LRP1B: variants seen among roughly 807,000 people sequenced by gnomAD.
The protein encoded by LRP1B is LDL receptor related protein 1B, also known as low-density lipoprotein receptor-related protein 1B.
A neutral mutation model predicts 556.6 loss-of-function variants in LRP1B; 217 were observed. The ratio of observed to expected loss-of-function variants is 0.39; its 90% CI spans 0.35 to 0.44. The LOEUF is 0.44. LRP1B is among the 20% of genes least tolerant of loss of function. LRP1B has a pLI of 1.00. For synonymous variants in LRP1B, 2,047 were observed against 1,865.8 expected, an observed-to-expected ratio of 1.10 and a Z score of -2.50; for missense variants, 5,053 against 5,620.8, an observed-to-expected ratio of 0.90 and a Z score of 3.23.
At chr2:140,774,659 G>A (rs1232682019) in intron 33 of LRP1B, among the ~76,000 whole-genome samples, 2 of 152,014 alleles carry the variant, frequency 1.3e-5, no homozygotes, top group East Asian at 1.9e-4. Context: ...ATAGTACTGT[G>A]AGTTTTTACA....
chr2:140,660,459 T>C (rs1685051477), intron 41 of LRP1B, among the ~76,000 whole-genome samples: 1 of 152,164 alleles, frequency 6.6e-6, no homozygotes, highest in Admixed American at 6.6e-5. Flanking sequence ...TCTTTATAAA[T>C]GCTGTATAAG....
intron 12 of LRP1B, among the ~76,000 whole-genome samples, chr2:141,016,151 C>T (rs1309438315): frequency 6.6e-6 from 1 of 152,058 alleles, no homozygotes; most frequent in African/African-American, 2.4e-5. Context: ...CCACCACTAT[C>T]GCACTTACTG....
chr2:140,578,908 T>C (rs946370644), intron 43 of LRP1B, among the ~76,000 whole-genome samples: 2 of 152,196 alleles, frequency 1.3e-5, no homozygotes, highest in African/African-American at 4.8e-5. Context: ...TTTTGTCATT[T>C]TGTTTACTCA....
intron 7 of LRP1B, among the ~76,000 whole-genome samples, chr2:141,116,337 A>G (rs1396859208): frequency 2.0e-5 from 3 of 152,224 alleles, no homozygotes; most frequent in African/African-American, 7.2e-5. Flanking sequence ...ACAAAGAAGT[A>G]AAGCAAATAC....
At chr2:141,157,161 A>C (rs897327633) in intron 7 of LRP1B, among the ~76,000 whole-genome samples, 1 of 152,164 alleles carries the variant, frequency 6.6e-6, no homozygotes, top group African/African-American at 2.4e-5. Context: ...GTGTAACAGG[A>C]TATCAATTTT....
intron 20 of LRP1B, among the ~76,000 whole-genome samples, chr2:140,947,707 G>A (rs1475842758): frequency 1.3e-5 from 2 of 152,062 alleles, no homozygotes; most frequent in East Asian, 1.9e-4. Context: ...TTTTACCAAA[G>A]TCATCCTGGA....
chr2:140,697,606 T>C (rs1295362829), intron 41 of LRP1B, among the ~76,000 whole-genome samples: 1 of 152,032 alleles, frequency 6.6e-6, no homozygotes, highest in Non-Finnish European at 1.5e-5. Flanking sequence ...TATTCAGCCA[T>C]AAAAAGAATG....
At chr2:140,536,490 C>T (rs1690978802) in intron 46 of LRP1B, 91 bp downstream of exon 46, 2 of 1,200,530 alleles carry the variant, frequency 1.7e-6, no homozygotes, top group Middle Eastern at 2.0e-4. Context: ...AATAAATTAT[C>T]CACGTAAACC....
intron 20 of LRP1B, among the ~76,000 whole-genome samples, chr2:140,946,992 G>T (rs1695567463): frequency 6.6e-6 from 1 of 152,166 alleles, no homozygotes; most frequent in Non-Finnish European, 1.5e-5. Flanking sequence ...TGAACATAAA[G>T]ATGGGAACAA....
At chr2:140,734,542 A>G (rs980666716) in intron 35 of LRP1B, among the ~76,000 whole-genome samples, 2 of 152,216 alleles carry the variant, frequency 1.3e-5, no homozygotes, top group Admixed American at 6.5e-5. Context: ...AGTCACAGCT[A>G]CAATGATCAA....
intron 1 of LRP1B, among the ~76,000 whole-genome samples, chr2:142,014,547 A>G (rs1703060224): frequency 1.3e-5 from 2 of 152,224 alleles, no homozygotes; most frequent in Admixed American, 1.3e-4. Context: ...TGTCAGAAAC[A>G]GTAAATGCCC....
At chr2:140,590,124 CT>C (rs1308050852) in intron 43 of LRP1B, among the ~76,000 whole-genome samples, 1 of 151,660 alleles carries the variant, frequency 6.6e-6, no homozygotes, top group East Asian at 1.9e-4. Context: ...ATATGTCGTC[CT>C]TCACTCATTA....
Position 141,976,676 on chromosome 2 carries a change from C to T in LRP1B, c.82+153972G>A, listed in dbSNP as rs568457578. 7.2e-5 allele frequency among the ~76,000 whole-genome samples: 11 copies of T among 152,230 alleles called. No homozygotes were observed. In the South Asian group the frequency reaches 1.7e-3, roughly 23 times the overall value. On this transcript the variant is annotated intron_variant, in intron 1 of 90. Transcript: ENST00000389484. ...CTACCTCCTGTACTCCAACCAGATA[C>T]AGAGTATGCATCCTGTGTCTGGGAC...
intron 2 of LRP1B, among the ~76,000 whole-genome samples, chr2:141,727,987 A>G (rs556137237): frequency 1.3e-4 from 20 of 152,012 alleles, no homozygotes; most frequent in Non-Finnish European, 2.5e-4. Context: ...AACATCTACT[A>G]TGTGATTTTT....
chr2:140,330,223 TAATAATAATAATA>T (rs1301592340), intron 79 of LRP1B, among the ~76,000 whole-genome samples: 4 of 143,212 alleles, frequency 2.8e-5, no homozygotes, highest in Admixed American at 1.4e-4. Flanking sequence ...ATAATAATAA[TAATAATAATAATA>T]ATAATATGGA....
At chr2:140,730,888 G>A (rs1264021861) in intron 35 of LRP1B, among the ~76,000 whole-genome samples, 1 of 152,012 alleles carries the variant, frequency 6.6e-6, no homozygotes, top group Non-Finnish European at 1.5e-5. Flanking sequence ...CAGAGTGTGC[G>A]CCTTGCTCCC....
chr2:142,097,279 TTTC>T (rs1399888413), intron 1 of LRP1B, among the ~76,000 whole-genome samples: 3 of 151,704 alleles, frequency 2.0e-5, no homozygotes, highest in African/African-American at 7.2e-5. Flanking sequence ...AAAGCCTTTC[TTTC>T]TTACTTTTAA....
chr2:140,638,437 T>C (rs1454974805), intron 41 of LRP1B, among the ~76,000 whole-genome samples: 2 of 152,310 alleles, frequency 1.3e-5, no homozygotes, highest in East Asian at 3.9e-4. Context: ...CCATGAATGA[T>C]AATCTAGTGG....
In LRP1B at chr2:141,932,456, C is replaced by A. The variant is rs1700534560; in HGVS notation, c.83-122055G>T. On this transcript the variant is annotated intron_variant, in intron 1 of 90. Coordinates refer to ENST00000389484, the MANE Select transcript of LRP1B (RefSeq NM_018557.3). The stretch of plus-strand genomic sequence containing the variant: ...TGGGCCTCTGAACATTTGAGTCTCC[C>A]TCCTTAATCCATGTAAGCCCTCTAT... Among the ~76,000 whole-genome samples the A allele has an allele frequency of 2.6e-5, 4 of 152,032 alleles. No homozygotes were observed. The South Asian group carries it at 6.2e-4, about 24-fold the overall frequency.
Sources: gnomAD v4.1 joint callset for allele counts (sites outside exome capture counted in the v4.1 genomes callset) on GRCh38, gnomAD v4.1.1 for gene constraint, MANE v1.5 for transcripts, NCBI Gene and HGNC (gene_info 2026-07-23, HGNC 2026-07-21) for gene names.